TEX2: variants seen among roughly 807,000 people sequenced by gnomAD.
The protein encoded by TEX2 is testis-expressed protein 2.
A neutral mutation model predicts 106.9 loss-of-function variants in TEX2; 53 were observed. The ratio of observed to expected loss-of-function variants is 0.50; its 90% CI spans 0.40 to 0.62. TEX2 has a LOEUF of 0.62. TEX2 is among the 20% of genes least tolerant of loss of function. TEX2 has a pLI of 0.00. For missense variants in TEX2, 1,207 were observed against 1,379.0 expected (o/e 0.88, Z 1.98); for synonymous variants, 523 against 534.8 (o/e 0.98, Z 0.30).
chr17:64,165,048 C>T (rs1478960712), intron 7 of TEX2, among the ~76,000 whole-genome samples: 1 of 152,172 alleles, frequency 6.6e-6, no homozygotes, highest in Non-Finnish European at 1.5e-5. Context: ...ATTTTCTCCT[C>T]CATTTCCTTC....
At chr17:64,247,623 C>T (rs8072216) in intron 1 of TEX2, among the ~76,000 whole-genome samples, 2 of 152,182 alleles carry the variant, frequency 1.3e-5, no homozygotes, top group East Asian at 1.9e-4. Context: ...GCCTGCAGTT[C>T]GCTCACCGGT....
intron 2 of TEX2, among the ~76,000 whole-genome samples, chr17:64,197,261 T>G (rs2032504588): frequency 6.6e-6 from 1 of 152,176 alleles, no homozygotes; most frequent in African/African-American, 2.4e-5. Flanking sequence ...AGATTTTTCC[T>G]TGCAGAAAGG....
Position 64,195,035 on chromosome 17 carries a change from A to C in TEX2, c.1705T>G (p.Ser569Ala), listed in dbSNP as rs1173630976. 6.2e-7 allele frequency: 1 copy of C among 1,614,216 alleles called. No individual in the cohort carries two copies. The highest frequency in any genetic ancestry group is 8.5e-7 in the Non-Finnish European group (1 of 1,180,016). Residue 569 changes from serine to alanine, a missense_variant, in exon 3 of 12, where the codon TCA (serine) becomes GCA (alanine). Ser to Ala is a moderately conservative substitution (Grantham distance 99). Transcript: ENST00000584379. This position sits in a 1 kb window ranked among gnomAD's most constrained non-coding sequence, Gnocchi z 4.1. ...CCACCCTCAAGTCGAACAAAGACTG[A>C]ATGTGTCAAAGTCGCATGGTAGGTT... ...PETYHATLTH[S>A]VFVRLEGGTL... is the part of the protein sequence containing the mutation.
chr17:64,210,230 A>G (rs1438743987), intron 2 of TEX2, among the ~76,000 whole-genome samples: 1 of 152,324 alleles, frequency 6.6e-6, no homozygotes. Flanking sequence ...GCTCCACTTC[A>G]TTTATTAACG....
In TEX2 at chr17:64,187,372, A is replaced by G. The variant is rs192045155; in HGVS notation, c.2424+796T>C. The stretch of plus-strand genomic sequence containing the variant: ...TAGTGATCATCCAGTTGCTCAGGTC[A>G]AAGTGCAAATCTTGGCCTCTGCGTT... On this transcript the variant is annotated intron_variant, in intron 5 of 11. Transcript: ENST00000584379. Among the ~76,000 whole-genome samples the G allele has an allele frequency of 2.6e-5, 4 of 152,276 alleles. 1 individual carries two copies. The highest frequency in any genetic ancestry group is 2.6e-4 in the Admixed American group (4 of 15,296).
chr17:64,191,761 T>C (rs2032302105), intron 4 of TEX2, among the ~76,000 whole-genome samples: 2 of 139,796 alleles, frequency 1.4e-5, no homozygotes, highest in East Asian at 4.0e-4. Flanking sequence ...GAGGTTGCAG[T>C]GAGCCAAGAT....
In TEX2 at chr17:64,213,074, G is replaced by A. The variant is rs1555631877; in HGVS notation, c.1144C>T (p.Leu382=). Residue 382 remains leucine, a synonymous_variant, in exon 2 of 12, where the codon CTG becomes TTG. Coordinates refer to ENST00000584379, the MANE Select transcript of TEX2 (RefSeq NM_001288732.2). This position sits in a 1 kb window ranked among gnomAD's most constrained non-coding sequence, Gnocchi z 4.4. ...STGEPTREIE[L]KSSQGSSLKD... is the part of the protein sequence containing the mutation. ...AGACTGCTCCCCTGGGAACTTTTCAGTTCTATCTCTCTTGTGGGCTCACCA... is the reference window on the plus strand; with the variant it reads ...AGACTGCTCCCCTGGGAACTTTTCAATTCTATCTCTCTTGTGGGCTCACCA... 11 of 1,614,196 alleles carry A rather than the reference G, an allele frequency of 6.8e-6. No homozygotes were observed. The highest frequency in any genetic ancestry group is 9.3e-6 in the Non-Finnish European group (11 of 1,180,022).
chr17:64,209,604 A>T (rs1374118904), intron 2 of TEX2, among the ~76,000 whole-genome samples: 3 of 152,230 alleles, frequency 2.0e-5, no homozygotes, highest in African/African-American at 7.2e-5. Flanking sequence ...CTACAAGGAA[A>T]ATTCAAATAC....
rs2032438013 is a variant in TEX2 at position 64,195,441 on chromosome 17, G to A, written c.1645-346C>T. Among the ~76,000 whole-genome samples, 1 of 152,258 alleles carries A rather than the reference G, an allele frequency of 6.6e-6. No individual in the cohort carries two copies. The highest frequency in any genetic ancestry group is 1.5e-5 in the Non-Finnish European group (1 of 68,026). ...GCCTCTCTGCCTGACCTCCTTTGGGGTGATTAATCCCACCCAGTCTGGCCT... is the reference window on the plus strand; with the variant it reads ...GCCTCTCTGCCTGACCTCCTTTGGGATGATTAATCCCACCCAGTCTGGCCT... On this transcript the variant is annotated intron_variant, in intron 2 of 11. Transcript: ENST00000584379. This position sits in a 1 kb window ranked among gnomAD's most constrained non-coding sequence, Gnocchi z 4.1.
rs547855047 is a variant in TEX2, at chr17:64,236,573, G to A, written c.-25-22331C>T. On this transcript the variant is annotated intron_variant, in intron 1 of 11. Coordinates refer to ENST00000584379, the MANE Select transcript of TEX2 (RefSeq NM_001288732.2). ...TAATTTAAAAATAAAGTATATGGGA[G>A]GATGTGCATAAGTTATATGCAAATA... is the stretch of plus-strand genomic sequence containing the variant. Among the ~76,000 whole-genome samples, 12 of 152,214 alleles carry A rather than the reference G, an allele frequency of 7.9e-5. No homozygotes were observed. In the South Asian group the frequency reaches 1.0e-3, roughly 13 times the overall value.
At chr17:64,170,430 T>C (rs1469384266) in intron 7 of TEX2, among the ~76,000 whole-genome samples, 4 of 152,086 alleles carry the variant, frequency 2.6e-5, no homozygotes, top group Non-Finnish European at 4.4e-5. Flanking sequence ...CTGGGGCAGC[T>C]GCACCCGTGA....
intron 8 of TEX2, chr17:64,155,201 ACAGAGGCCTTGGACC>A: frequency 2.5e-6 from 1 of 403,600 alleles, no homozygotes. Flanking sequence ...TGACAGGACC[ACAGAGGCCTTGGACC>A]CAGAAGAGGT....
intron 1 of TEX2, among the ~76,000 whole-genome samples, chr17:64,245,205 A>ATTACAATCTGC (rs2033964478): frequency 6.6e-6 from 1 of 152,190 alleles, no homozygotes; most frequent in Non-Finnish European, 1.5e-5. Flanking sequence ...GGCAGGAGAA[A>ATTACAATCTGC]TTACAATCTG....
rs565784956 is a variant in TEX2 at position 64,155,310 on chromosome 17, G to A, written c.2805-343C>T. 44 of 194,208 alleles carry A rather than the reference G, an allele frequency of 2.3e-4. No homozygotes were observed. In the South Asian group the frequency reaches 6.9e-3, roughly 31 times the overall value. The allele number at this position is 194,208 out of a possible 1,614,324, so 12.0% of individuals were successfully genotyped here. On this transcript the variant is annotated intron_variant, in intron 8 of 11. Coordinates refer to ENST00000584379, the MANE Select transcript of TEX2 (RefSeq NM_001288732.2). ...CAGTGATTTCAACCAGCAGTGCAGCGGAGCCACACGGGAGGATGAACAGAA... is the reference window on the plus strand; with the variant it reads ...CAGTGATTTCAACCAGCAGTGCAGCAGAGCCACACGGGAGGATGAACAGAA...
intron 4 of TEX2, among the ~76,000 whole-genome samples, chr17:64,192,443 C>T (rs1219371690): frequency 1.3e-5 from 2 of 152,188 alleles, no homozygotes; most frequent in African/African-American, 4.8e-5. Flanking sequence ...CCAGAAGCTG[C>T]AAACACGCAA....
rs535097042 is a variant in TEX2, at chr17:64,228,723, C to T, written c.-25-14481G>A. On this transcript the variant is annotated intron_variant, in intron 1 of 11. Coordinates refer to ENST00000584379, the MANE Select transcript of TEX2 (RefSeq NM_001288732.2). ...CATGGACCGCTCCTGGTCTGTGGCC[C>T]GGGGATTGGGGACCCCTGGTTTAGA... 1.3e-3 allele frequency among the ~76,000 whole-genome samples: 202 copies of T among 152,206 alleles called. 1 individual carries two copies. Among genetic ancestry groups the T allele is most frequent in the South Asian group, 2.1e-3 (10 of 4,822 alleles).
intron 1 of TEX2, among the ~76,000 whole-genome samples, chr17:64,224,624 T>C (rs1489318913): frequency 2.0e-5 from 3 of 151,886 alleles, no homozygotes; most frequent in Non-Finnish European, 4.4e-5. Context: ...CTACTCACCA[T>C]CTCTTCCGAC....
chr17:64,213,587 T>C lies in TEX2; in HGVS notation c.631A>G (p.Arg211Gly). The C allele has an allele frequency of 6.2e-7, 1 of 1,614,148 alleles. No homozygotes were observed. Among genetic ancestry groups the C allele is most frequent in the Non-Finnish European group, 8.5e-7 (1 of 1,180,012 alleles). Residue 211 changes from arginine to glycine, a missense_variant, in exon 2 of 12, where the codon AGG becomes GGG. Around this residue, in one of 3 missense-constraint regions of TEX2, gnomAD observed 1,067 missense variants for 1,193.6 expected, o/e 0.89. Coordinates refer to ENST00000584379, the MANE Select transcript of TEX2 (RefSeq NM_001288732.2). The surrounding 1 kb of genome is among the most constrained non-coding windows in gnomAD (Gnocchi z 4.4). Reference sequence around the variant, plus strand: ...TTGACTAATGTCTTCATCAAGTGCCTGTGCCTTGCGGGGTGTGGGGATTCT... The same window carrying C: ...TTGACTAATGTCTTCATCAAGTGCCCGTGCCTTGCGGGGTGTGGGGATTCT... ...PKESPHPARHRHLMKTLVKSL... is the reference protein window; with the variant it reads ...PKESPHPARHGHLMKTLVKSL...
chr17:64,211,551 A>G (rs1555631560), intron 2 of TEX2, among the ~76,000 whole-genome samples: 1 of 152,238 alleles, frequency 6.6e-6, no homozygotes, highest in Non-Finnish European at 1.5e-5. Context: ...ATTTAAAAAT[A>G]CAGCATAATA....
Sources: gnomAD v4.1 joint callset for allele counts (sites outside exome capture counted in the v4.1 genomes callset) on GRCh38, gnomAD v4.1.1 for gene constraint, gnomAD v4.1.1 regional missense constraint, Gnocchi (gnomAD v3.1) non-coding constraint, MANE v1.5 for transcripts, NCBI Gene and HGNC (gene_info 2026-07-23, HGNC 2026-07-21) for gene names.